The following LPAR6 variants were observed in gnomAD, a reference collection of about 807,000 sequenced individuals.
LPAR6 encodes the protein lysophosphatidic acid receptor 6.
A neutral mutation model predicts 22.0 loss-of-function variants in LPAR6; 17 were observed. That is an observed-to-expected ratio of 0.77 (90% CI 0.53 to 1.16). The LOEUF is 1.16. LPAR6 is among the 50% of genes most tolerant of loss of function. LPAR6 has a pLI of 0.00. For missense variants in LPAR6, 384 were observed against 406.9 expected (o/e 0.94, Z 0.48); for synonymous variants, 136 against 139.8 (o/e 0.97, Z 0.19).
At chr13:48,422,172 G>A (rs375635538) in intron 2 of LPAR6, among the ~76,000 whole-genome samples, 38 of 152,110 alleles carry the variant, frequency 2.5e-4, no homozygotes, top group Non-Finnish European at 4.0e-4. Flanking sequence ...ATATACCATC[G>A]AATACTATGC....
chr13:48,435,010 TA>T (rs983812563), intron 1 of LPAR6, among the ~76,000 whole-genome samples: 1 of 152,228 alleles, frequency 6.6e-6, no homozygotes, highest in African/African-American at 2.4e-5. Context: ...CTATCACAAA[TA>T]AAGCTGCTAT....
At chr13:48,421,414 C>G (rs1232376957) in intron 2 of LPAR6, among the ~76,000 whole-genome samples, 1 of 152,152 alleles carries the variant, frequency 6.6e-6, no homozygotes, top group African/African-American at 2.4e-5. Flanking sequence ...CATGAAAACC[C>G]TAGAAGAAAA....
chr13:48,437,655 T>A (rs1949197969), intron 1 of LPAR6, among the ~76,000 whole-genome samples: 1 of 152,216 alleles, frequency 6.6e-6, no homozygotes, highest in South Asian at 2.1e-4. Flanking sequence ...TTTTGCCATG[T>A]GAGCCTCTCC....
intron 1 of LPAR6, among the ~76,000 whole-genome samples, chr13:48,440,648 T>C (rs963511865): frequency 1.3e-5 from 2 of 152,208 alleles, no homozygotes; most frequent in African/African-American, 2.4e-5. Flanking sequence ...ATTAATTATA[T>C]GATTTTGTTT....
intron 1 of LPAR6, chr13:48,423,930 A>G (rs934658878): frequency 6.6e-6 from 1 of 152,588 alleles, no homozygotes; most frequent in African/African-American, 2.4e-5. Flanking sequence ...CTCTTGAAGA[A>G]AGAAAGAAAA....
At position 48,402,379 on chromosome 13, in the gene LPAR6, C is replaced by CT. The variant is rs545934425; in HGVS notation, n.115-12568dup. 8.7e-5 allele frequency among the ~76,000 whole-genome samples: 11 copies of CT among 125,738 alleles called. No homozygotes were observed. In the South Asian group the frequency reaches 1.6e-3, roughly 18 times the overall value. The allele number at this position is 125,738 out of a possible 152,430, so 82.5% of individuals were successfully genotyped here. A position where few individuals can be genotyped will look rare whatever the true frequency, so the allele number is the denominator to read the frequency against. Reference sequence around the variant, plus strand: ...GGTAAAGAAATCCCTTGTAGAAAACCTTTTTTTTTTTTTAAACAGATGAGT... The same window carrying CT: ...GGTAAAGAAATCCCTTGTAGAAAACCTTTTTTTTTTTTTTAAACAGATGAGT... On this transcript the variant is annotated intron_variant and non_coding_transcript_variant, in intron 1 of 1. Coordinates refer to the LPAR6 transcript ENST00000462781.
At chr13:48,399,431 A>G (rs1000525679) in intron 1 of LPAR6, among the ~76,000 whole-genome samples, 4 of 152,072 alleles carry the variant, frequency 2.6e-5, no homozygotes, top group African/African-American at 9.6e-5. Flanking sequence ...AAAGAATACA[A>G]ACAAAAAAAG....
downstream of LPAR6, chr13:48,410,944 T>C (rs544378008): frequency 1.3e-5 from 2 of 152,432 alleles, no homozygotes; most frequent in East Asian, 3.9e-4. Flanking sequence ...TCTTTCTCAT[T>C]TGTTAATCAT....
chr13:48,441,237 A>G (rs1237410422), intron 1 of LPAR6, among the ~76,000 whole-genome samples: 3 of 152,218 alleles, frequency 2.0e-5, no homozygotes, highest in Non-Finnish European at 2.9e-5. Flanking sequence ...TGGAAGGGAC[A>G]AGGCAGCTCT....
rs561589135 is a variant in LPAR6 at position 48,442,367 on chromosome 13, A to AT, written c.-1474+2185dup. 2.0e-4 allele frequency among the ~76,000 whole-genome samples: 30 copies of AT among 152,040 alleles called. 1 individual carries two copies. The South Asian group carries it at 5.4e-3, about 27-fold the overall frequency. On this transcript the variant is annotated intron_variant, in intron 1 of 6. Transcript: ENST00000378434. ...AGGCGCATGCAACCATGCCCGGCTA[A>AT]TTTTTTGTATTTTTTGTAGAGATGG...
At chr13:48,429,550 A>G (rs924114240), upstream of LPAR6, 3 of 152,054 alleles carry the variant, frequency 2.0e-5, no homozygotes, top group African/African-American at 7.2e-5. Flanking sequence ...ATAAACCCAC[A>G]TTATTGGTGT....
At chr13:48,403,860 T>TA (rs1039973602) in intron 1 of LPAR6, among the ~76,000 whole-genome samples, 3 of 151,506 alleles carry the variant, frequency 2.0e-5, no homozygotes, top group Admixed American at 6.6e-5. Flanking sequence ...CCTATGAGAA[T>TA]AAAAAAAATG....
chr13:48,431,663 A>T (rs1186045140), upstream of LPAR6, among the ~76,000 whole-genome samples: 2 of 152,082 alleles, frequency 1.3e-5, no homozygotes, highest in Admixed American at 6.6e-5. Flanking sequence ...TACGAGCACT[A>T]CTCCAGAAAG....
intron 2 of LPAR6, among the ~76,000 whole-genome samples, chr13:48,421,821 C>T (rs541294932): frequency 6.6e-6 from 1 of 152,252 alleles, no homozygotes; most frequent in East Asian, 1.9e-4. Flanking sequence ...CAATGAGATA[C>T]CATCTCATGG....
chr13:48,409,256 A>C (rs569249467), downstream of LPAR6, among the ~76,000 whole-genome samples: 1 of 150,922 alleles, frequency 6.6e-6, no homozygotes, highest in African/African-American at 2.4e-5. Context: ...TGAAGGCATT[A>C]AAGATGTATT....
chr13:48,417,544 G>T (rs951734105), upstream of LPAR6, among the ~76,000 whole-genome samples: 1 of 152,020 alleles, frequency 6.6e-6, no homozygotes, highest in South Asian at 2.1e-4. Context: ...ACAACTCCTC[G>T]CCAGCAAGGG....
upstream of LPAR6, among the ~76,000 whole-genome samples, chr13:48,414,114 G>A (rs1419248892): frequency 1.3e-5 from 2 of 152,048 alleles, no homozygotes; most frequent in African/African-American, 2.4e-5. Flanking sequence ...TTGGAAGGCC[G>A]AGGCAGGTGG....
chr13:48,403,626 C>T (rs1398979268), intron 1 of LPAR6, among the ~76,000 whole-genome samples: 1 of 152,032 alleles, frequency 6.6e-6, no homozygotes, highest in Non-Finnish European at 1.5e-5. Flanking sequence ...TGGCAATGGT[C>T]CTCAAACTTG....
intron 1 of LPAR6, among the ~76,000 whole-genome samples, chr13:48,443,464 T>C (rs971296734): frequency 2.6e-5 from 4 of 152,190 alleles, no homozygotes; most frequent in Non-Finnish European, 5.9e-5. Context: ...TAAGTCACAG[T>C]TTACTAAAAT....
Sources: gnomAD v4.1 joint callset for allele counts (sites outside exome capture counted in the v4.1 genomes callset) on GRCh38, gnomAD v4.1.1 for gene constraint, MANE v1.5 for transcripts, NCBI Gene and HGNC (gene_info 2026-07-23, HGNC 2026-07-21) for gene names.